ANO5: variants seen among roughly 807,000 people sequenced by gnomAD.
The protein encoded by ANO5 is anoctamin 5, also known as anoctamin-5.
In ANO5, 109 loss-of-function variants were observed where a neutral mutation model predicts 121.0. That is an observed-to-expected ratio of 0.90 (90% CI 0.77 to 1.06). ANO5 has a LOEUF of 1.06. Among genes scored for constraint, ANO5 ranks in the 50% least tolerant of loss-of-function variants. The pLI is 0.00. For missense variants in ANO5, 1,064 were observed against 1,078.5 expected (o/e 0.99, Z 0.19); for synonymous variants, 406 against 359.9 (o/e 1.13, Z -1.45).
chr11:22,199,476 G>T (rs1851901355), intron 1 of ANO5, among the ~76,000 whole-genome samples: 1 of 152,104 alleles, frequency 6.6e-6, no homozygotes. Context: ...GAGGAGGAAA[G>T]ATATTTGTCA....
intron 15 of ANO5, among the ~76,000 whole-genome samples, chr11:22,259,978 AT>A (rs1300310653): frequency 6.6e-6 from 1 of 151,344 alleles, no homozygotes. Flanking sequence ...CTGACTCTAT[AT>A]ATCTTTCTCA....
In ANO5 at chr11:22,272,957, T is replaced by C. The variant is rs1564951438; in HGVS notation, c.2203T>C (p.Tyr735His). 1 of 1,614,120 alleles carries C rather than the reference T, an allele frequency of 6.2e-7. No homozygotes were observed. Among genetic ancestry groups the C allele is most frequent in the Non-Finnish European group, 8.5e-7 (1 of 1,180,006 alleles). ...HSIGVWQDIL[Y>H]GMAVLSVATN... ...CATAGGTGTTTGGCAAGACATTCTT[T>C]ATGGAATGGCTGTCCTTTCTGTTGC... The change falls in exon 19 of 22, where the codon TAT becomes CAT. Residue 735 changes from tyrosine (Y) to histidine (H), a missense_variant. Transcript: ENST00000324559.
At position 22,272,911 on chromosome 11, in the gene ANO5, T is replaced by G. The variant is rs756086100; in HGVS notation, c.2157T>G (p.Thr719=). ...AWKLTTQYRR[T]VASKAHSIGV... is the part of the protein sequence containing the mutation. The stretch of plus-strand genomic sequence containing the variant: ...AACTTACCACTCAATACAGGAGAAC[T>G]GTAGCTTCTAAAGCTCATAGCATAG... Residue 719 remains threonine, a synonymous_variant, in exon 19 of 22, where the codon ACT becomes ACG. Coordinates refer to ENST00000324559, the MANE Select transcript of ANO5 (RefSeq NM_213599.3). 8 of 1,614,200 alleles carry G rather than the reference T, an allele frequency of 5.0e-6. No individual in the cohort carries two copies. The South Asian group carries it at 8.8e-5, about 18-fold the overall frequency.
Position 22,272,992 on chromosome 11 carries a change from A to G in ANO5, c.2235+3A>G, listed in dbSNP as rs1445499098. 1 of 1,613,396 alleles carries G rather than the reference A, an allele frequency of 6.2e-7. No individual in the cohort carries two copies. Among genetic ancestry groups the G allele is most frequent in the African/African-American group, 1.3e-5 (1 of 75,014 alleles). On this transcript the variant is annotated splice_donor_region_variant and intron_variant, in intron 19 of 21. Transcript: ENST00000324559. ...CTGTCCTTTCTGTTGCAACTAATGT[A>G]AGTGGACCTATTTCGGTGGGGTGAC... is the stretch of plus-strand genomic sequence containing the variant.
At chr11:22,255,758 A>G (rs1312620326) in intron 13 of ANO5, among the ~76,000 whole-genome samples, 1 of 152,168 alleles carries the variant, frequency 6.6e-6, no homozygotes, top group South Asian at 2.1e-4. Flanking sequence ...AATGAACTAC[A>G]TGGATGAACC....
intron 5 of ANO5, among the ~76,000 whole-genome samples, chr11:22,225,196 ACC>A (rs1852783456): frequency 1.3e-5 from 2 of 152,076 alleles, no homozygotes; most frequent in African/African-American, 4.8e-5. Context: ...GGTGGTTCAC[ACC>A]TATAATCCCA....
At chr11:22,277,366 A>ATTCAT (rs1374017000) in intron 21 of ANO5, among the ~76,000 whole-genome samples, 1 of 151,642 alleles carries the variant, frequency 6.6e-6, no homozygotes. Flanking sequence ...TAGTGTGACT[A>ATTCAT]TTCATTTACT....
chr11:22,228,184 C>T (rs1428730123), intron 7 of ANO5, among the ~76,000 whole-genome samples: 2 of 151,984 alleles, frequency 1.3e-5, no homozygotes, highest in Non-Finnish European at 2.9e-5. Context: ...GGAATAATAT[C>T]CACTTCATAG....
At chr11:22,250,187 G>C (rs1430288193) in intron 9 of ANO5, 50 bp from the exon 10 acceptor site, 2 of 1,509,006 alleles carry the variant, frequency 1.3e-6, no homozygotes, top group South Asian at 1.2e-5. Context: ...CAAGGCTCCA[G>C]ACTATAACAT....
intron 18 of ANO5, among the ~76,000 whole-genome samples, chr11:22,271,684 CTA>C (rs1348757388): frequency 8.5e-5 from 13 of 152,126 alleles, no homozygotes; most frequent in Non-Finnish European, 2.9e-5. Flanking sequence ...ATTCTGAAAA[CTA>C]TATTATCTCT....
chr11:22,228,804 A>C (rs562277203), intron 7 of ANO5, among the ~76,000 whole-genome samples: 2 of 151,960 alleles, frequency 1.3e-5, no homozygotes, highest in Admixed American at 6.6e-5. Context: ...ACAACATTTC[A>C]TTCTTTTTAT....
At chr11:22,214,202 G>T (rs560479183) in intron 3 of ANO5, among the ~76,000 whole-genome samples, 5 of 151,954 alleles carry the variant, frequency 3.3e-5, no homozygotes, top group South Asian at 4.1e-4. Flanking sequence ...CACATCACTT[G>T]GCTGGAAGCT....
intron 1 of ANO5, among the ~76,000 whole-genome samples, chr11:22,195,434 T>A (rs1851779611): frequency 6.6e-6 from 1 of 152,108 alleles, no homozygotes; most frequent in East Asian, 1.9e-4. Flanking sequence ...TTTTTTTTTT[T>A]TTTTTATTTT....
intron 3 of ANO5, among the ~76,000 whole-genome samples, chr11:22,212,773 G>T (rs1852321347): frequency 6.7e-6 from 1 of 150,184 alleles, no homozygotes; most frequent in African/African-American, 2.4e-5. Flanking sequence ...AATTTATTTT[G>T]CTATGTCACT....
intron 2 of ANO5, among the ~76,000 whole-genome samples, chr11:22,208,242 C>T (rs1852177828): frequency 1.3e-5 from 2 of 152,026 alleles, no homozygotes; most frequent in South Asian, 4.1e-4. Context: ...ATATTCACAG[C>T]AGCTTTATTT....
At chr11:22,264,998 T>G (rs1334583743) in intron 17 of ANO5, among the ~76,000 whole-genome samples, 1 of 152,138 alleles carries the variant, frequency 6.6e-6, no homozygotes, top group East Asian at 1.9e-4. Flanking sequence ...AATCTACTAG[T>G]AGTTCCAGAA....
chr11:22,250,375 A>G lies in ANO5; in HGVS notation c.1013+4A>G. The G allele has an allele frequency of 6.2e-7, 1 of 1,613,468 alleles. No individual in the cohort carries two copies. The highest frequency in any genetic ancestry group is 1.3e-5 in the African/African-American group (1 of 75,036). On this transcript the variant is annotated splice_donor_region_variant and intron_variant, in intron 10 of 21. Transcript: ENST00000324559. ...CAATGGAACATAACACAAGCAGGTAAGTGCACCTGAGTTGCCCAGATAGAG... is the reference window on the plus strand; with the variant it reads ...CAATGGAACATAACACAAGCAGGTAGGTGCACCTGAGTTGCCCAGATAGAG...
chr11:22,271,208 A>T (rs1247829837), intron 18 of ANO5, among the ~76,000 whole-genome samples: 1 of 152,132 alleles, frequency 6.6e-6, no homozygotes, highest in African/African-American at 2.4e-5. Flanking sequence ...GGTGCGTGCC[A>T]TCACGCCCGG....
chr11:22,202,080 A>G lies in ANO5; in HGVS notation c.41-1724A>G, dbSNP rs144055025. On this transcript the variant is annotated intron_variant, in intron 1 of 21. Coordinates refer to ENST00000324559, the MANE Select transcript of ANO5 (RefSeq NM_213599.3). ...GTTTTAGTTAATTTTAAAGAATTTT[A>G]TTGTTTGCCAAAGGCAAAAAACTCA... Among the ~76,000 whole-genome samples the G allele has an allele frequency of 2.4e-4, 36 of 151,464 alleles. No homozygotes were observed. The East Asian group carries it at 7.0e-3, about 29-fold the overall frequency.
Sources: gnomAD v4.1 joint callset for allele counts (sites outside exome capture counted in the v4.1 genomes callset) on GRCh38, gnomAD v4.1.1 for gene constraint, MANE v1.5 for transcripts, NCBI Gene and HGNC (gene_info 2026-07-23, HGNC 2026-07-21) for gene names.